Variants in ROBO2 observed in about 807,000 individuals in gnomAD.
ROBO2 encodes the protein roundabout homolog 2.
ROBO2 carries 53 observed loss-of-function variants against 160.8 expected under a neutral mutation model. The observed-to-expected ratio is 0.33, with a 90% CI of 0.26 to 0.41. The LOEUF is 0.41. ROBO2 is among the 10% of genes least tolerant of loss of function. The probability of loss-of-function intolerance (pLI) is 1.00; values close to 1 mark genes in which losing one functional copy is unlikely to be tolerated. For missense variants in ROBO2, 1,577 were observed against 1,722.4 expected (o/e 0.92, Z 1.49); for synonymous variants, 664 against 611.7 (o/e 1.09, Z -1.26).
intron 2 of ROBO2, among the ~76,000 whole-genome samples, chr3:76,197,830 A>G (rs557369241): frequency 2.3e-4 from 35 of 152,352 alleles, no homozygotes; most frequent in African/African-American, 7.9e-4. Context: ...CTTGTTGGGC[A>G]TATGGACACT....
At chr3:76,083,160 A>C (rs951175713) in intron 2 of ROBO2, among the ~76,000 whole-genome samples, 2 of 152,104 alleles carry the variant, frequency 1.3e-5, no homozygotes, top group Admixed American at 6.6e-5. Flanking sequence ...GTTCTCTATC[A>C]GTCAAAAGGG....
At chr3:77,579,107 A>G (rs2093845085) in intron 15 of ROBO2, among the ~76,000 whole-genome samples, 1 of 152,200 alleles carries the variant, frequency 6.6e-6, no homozygotes, top group East Asian at 1.9e-4. Context: ...GTTTTCCTAC[A>G]TATGTGTCTA....
At chr3:77,441,772 C>A (rs945220059) in intron 2 of ROBO2, among the ~76,000 whole-genome samples, 2 of 152,126 alleles carry the variant, frequency 1.3e-5, no homozygotes, top group African/African-American at 4.8e-5. Context: ...CTTTAAAATT[C>A]CATTTTGGTG....
intron 2 of ROBO2, among the ~76,000 whole-genome samples, chr3:75,978,735 G>T (rs2065196931): frequency 6.6e-6 from 1 of 151,490 alleles, no homozygotes; most frequent in Non-Finnish European, 1.5e-5. Context: ...CCAACATCTA[G>T]TGAATAACTT....
intron 21 of ROBO2, among the ~76,000 whole-genome samples, chr3:77,611,623 T>C (rs911828016): frequency 6.6e-6 from 1 of 152,194 alleles, no homozygotes; most frequent in Non-Finnish European, 1.5e-5. Flanking sequence ...GTTACAATAT[T>C]TAGTATTATT....
intron 2 of ROBO2, among the ~76,000 whole-genome samples, chr3:77,218,237 C>T (rs552547486): frequency 6.6e-6 from 1 of 152,292 alleles, no homozygotes; most frequent in African/African-American, 2.4e-5. Context: ...TCCACCATGC[C>T]TGCCCACCTC....
chr3:76,221,862 A>T (rs905218331), intron 2 of ROBO2, among the ~76,000 whole-genome samples: 7 of 152,084 alleles, frequency 4.6e-5, no homozygotes, highest in African/African-American at 1.7e-4. Flanking sequence ...TTTCGGTGGA[A>T]GCATTGCACC....
intron 2 of ROBO2, among the ~76,000 whole-genome samples, chr3:77,328,110 G>A (rs1158967031): frequency 1.3e-5 from 2 of 148,832 alleles, no homozygotes; most frequent in East Asian, 4.0e-4. Flanking sequence ...CATTAGAAAT[G>A]TTCCTGTTTA....
At chr3:76,179,717 C>CTA (rs1261118390) in intron 2 of ROBO2, among the ~76,000 whole-genome samples, 1 of 152,120 alleles carries the variant, frequency 6.6e-6, no homozygotes, top group African/African-American at 2.4e-5. Flanking sequence ...TTTAGGCATT[C>CTA]TATCCAGTTT....
intron 2 of ROBO2, among the ~76,000 whole-genome samples, chr3:77,222,141 G>A (rs1028917113): frequency 3.3e-5 from 5 of 151,940 alleles, no homozygotes; most frequent in South Asian, 2.1e-4. Context: ...ATGAGCCACC[G>A]TGCCCGGCCC....
At chr3:77,141,762 G>A (rs1197569524) in intron 2 of ROBO2, among the ~76,000 whole-genome samples, 5 of 152,164 alleles carry the variant, frequency 3.3e-5, no homozygotes, top group Admixed American at 6.5e-5. Context: ...CTGCTGGCAG[G>A]CAAGAGATGT....
intron 2 of ROBO2, among the ~76,000 whole-genome samples, chr3:77,367,449 C>G (rs979329413): frequency 6.6e-5 from 10 of 151,978 alleles, no homozygotes; most frequent in Admixed American, 5.2e-4. Context: ...TGAGAATCAT[C>G]TCCCACTTTG....
intron 2 of ROBO2, among the ~76,000 whole-genome samples, chr3:77,441,277 C>T (rs1007546632): frequency 4.0e-5 from 6 of 151,146 alleles, no homozygotes; most frequent in African/African-American, 1.2e-4. Context: ...TTGGATGTTT[C>T]CAAAACAGAG....
intron 2 of ROBO2, among the ~76,000 whole-genome samples, chr3:77,200,297 ATATATATATATATATATATATATATT>A (rs1243218650): frequency 3.5e-4 from 27 of 76,402 alleles, no homozygotes; most frequent in Non-Finnish European, 4.8e-4. Flanking sequence ...ATATATATAT[ATATATATATATATATATATATATATT>A]TTAGTTTCTA....
At chr3:76,392,370 A>G (rs1365511754) in intron 2 of ROBO2, among the ~76,000 whole-genome samples, 2 of 152,314 alleles carry the variant, frequency 1.3e-5, no homozygotes, top group African/African-American at 4.8e-5. Context: ...TGAAAACCTC[A>G]TGAATTGTAC....
chr3:77,380,387 A>T (rs888658550), intron 2 of ROBO2, among the ~76,000 whole-genome samples: 1 of 152,154 alleles, frequency 6.6e-6, no homozygotes, highest in Non-Finnish European at 1.5e-5. Flanking sequence ...TCTCTGTCAT[A>T]TGGAAAGAGG....
At chr3:76,095,897 A>T (rs1220924621) in intron 2 of ROBO2, among the ~76,000 whole-genome samples, 3 of 152,190 alleles carry the variant, frequency 2.0e-5, no homozygotes, top group Non-Finnish European at 1.5e-5. Flanking sequence ...TACTAAGCTA[A>T]TACATTTGAA....
chr3:77,091,676 T>C, intron 1 of ROBO2, among the ~76,000 whole-genome samples: 1 of 151,990 alleles, frequency 6.6e-6, no homozygotes, highest in East Asian at 1.9e-4. Flanking sequence ...CCTTGTTCAC[T>C]ATGGAGACTA....
At chr3:76,055,112 C>T (rs988119664) in intron 2 of ROBO2, among the ~76,000 whole-genome samples, 24 of 152,202 alleles carry the variant, frequency 1.6e-4, no homozygotes, top group African/African-American at 4.3e-4. Context: ...TCTTACATGG[C>T]GGCAGGGAAG....
Sources: gnomAD v4.1 joint callset for allele counts (sites outside exome capture counted in the v4.1 genomes callset) on GRCh38, gnomAD v4.1.1 for gene constraint, MANE v1.5 for transcripts, NCBI Gene and HGNC (gene_info 2026-07-23, HGNC 2026-07-21) for gene names.